The following OCA2 variants were observed in gnomAD, a reference collection of about 807,000 sequenced individuals.
OCA2 encodes the protein OCA2 melanosomal transmembrane protein, also known as P protein.
A neutral mutation model predicts 100.2 loss-of-function variants in OCA2; 77 were observed. That is an observed-to-expected ratio of 0.77 (90% CI 0.64 to 0.93). OCA2 has a LOEUF of 0.93. Ranked by LOEUF, OCA2 falls within the 40% of genes least tolerant of loss-of-function variation. The probability of loss-of-function intolerance (pLI) is 0.00; values close to 1 mark genes in which losing one functional copy is unlikely to be tolerated. For missense variants in OCA2, 1,062 were observed against 1,089.1 expected (o/e 0.98, Z 0.35); for synonymous variants, 432 against 439.2 (o/e 0.98, Z 0.21).
At chr15:27,983,589 G>T in intron 13 of OCA2, 106 bp from the exon 14 acceptor site, 3 of 1,128,088 alleles carry the variant, frequency 2.7e-6, no homozygotes, top group Non-Finnish European at 4.0e-6. Context: ...AGGGAGGCGC[G>T]CACACACACA....
At chr15:27,904,318 C>G (rs533490477) in intron 19 of OCA2, among the ~76,000 whole-genome samples, 2 of 152,288 alleles carry the variant, frequency 1.3e-5, no homozygotes, top group Admixed American at 1.3e-4. Flanking sequence ...GCTGGGAGCG[C>G]TGGGGGACAG....
At chr15:27,840,169 T>TA (rs954620258) in intron 23 of OCA2, among the ~76,000 whole-genome samples, 2 of 151,664 alleles carry the variant, frequency 1.3e-5, no homozygotes, top group African/African-American at 4.8e-5. Context: ...TTGAAAAAAC[T>TA]AAAGAACAGC....
chr15:27,900,815 T>C (rs1335222703), intron 19 of OCA2, among the ~76,000 whole-genome samples: 1 of 152,234 alleles, frequency 6.6e-6, no homozygotes, highest in Non-Finnish European at 1.5e-5. Flanking sequence ...TCCCAGTTCA[T>C]GCACACCTTG....
chr15:27,893,754 T>C (rs958432006), intron 19 of OCA2, among the ~76,000 whole-genome samples: 1 of 152,154 alleles, frequency 6.6e-6, no homozygotes, highest in Non-Finnish European at 1.5e-5. Context: ...AACCCTGTTT[T>C]CTGTTGTTTA....
intron 23 of OCA2, among the ~76,000 whole-genome samples, chr15:27,804,181 T>C (rs866018120): frequency 2.0e-4 from 30 of 152,246 alleles, no homozygotes; most frequent in African/African-American, 6.3e-4. Context: ...GGGTTCATTC[T>C]GAAAAAATCG....
At chr15:28,045,364 A>C (rs568504902) in intron 2 of OCA2, among the ~76,000 whole-genome samples, 1 of 152,374 alleles carries the variant, frequency 6.6e-6, no homozygotes, top group South Asian at 2.1e-4. Context: ...TGTGGTTCAC[A>C]TACAAGAAGA....
intron 21 of OCA2, among the ~76,000 whole-genome samples, chr15:27,868,894 A>C (rs1003468947): frequency 2.6e-5 from 4 of 152,226 alleles, no homozygotes; most frequent in Non-Finnish European, 5.9e-5. Context: ...CTTTTTAAAA[A>C]ATGTGGTGAA....
chr15:27,833,917 G>A (rs2035053841), intron 23 of OCA2, among the ~76,000 whole-genome samples: 1 of 152,088 alleles, frequency 6.6e-6, no homozygotes, highest in Non-Finnish European at 1.5e-5. Flanking sequence ...CACCTCGAGG[G>A]CCCTTTGACT....
chr15:27,951,703 G>C, intron 18 of OCA2, 81 bp downstream of exon 18: 1 of 1,052,020 alleles, frequency 9.5e-7, no homozygotes, highest in Non-Finnish European at 1.5e-6. Context: ...TGTGGGCAAA[G>C]TCAGTGTCTG....
chr15:27,812,515 A>C (rs2034119080), intron 23 of OCA2, among the ~76,000 whole-genome samples: 1 of 152,228 alleles, frequency 6.6e-6, no homozygotes, highest in Admixed American at 6.5e-5. Flanking sequence ...ACTTTTAAAA[A>C]ATATATCTTT....
chr15:27,794,177 G>A (rs913925545), intron 23 of OCA2, among the ~76,000 whole-genome samples: 7 of 152,260 alleles, frequency 4.6e-5, no homozygotes, highest in South Asian at 2.1e-4. Flanking sequence ...CGAAAACTGC[G>A]GACAACTCAG....
intron 2 of OCA2, among the ~76,000 whole-genome samples, chr15:28,066,571 C>T (rs990986288): frequency 3.3e-5 from 5 of 152,162 alleles, no homozygotes; most frequent in Admixed American, 3.3e-4. Context: ...CCTAATATAG[C>T]ATCACATGAC....
intron 21 of OCA2, among the ~76,000 whole-genome samples, chr15:27,866,683 G>C (rs2036337080): frequency 1.3e-5 from 2 of 152,074 alleles, no homozygotes; most frequent in Admixed American, 6.5e-5. Context: ...ACAGTACTGT[G>C]GGACCCAGAG....
intron 2 of OCA2, among the ~76,000 whole-genome samples, chr15:28,079,959 C>A (rs1430342218): frequency 6.6e-6 from 1 of 152,208 alleles, no homozygotes; most frequent in Non-Finnish European, 1.5e-5. Flanking sequence ...CCAGTCTGCC[C>A]CTGGTACACC....
At chr15:27,762,394 A>C (rs1445369688) in intron 23 of OCA2, among the ~76,000 whole-genome samples, 1 of 152,216 alleles carries the variant, frequency 6.6e-6, no homozygotes, top group Non-Finnish European at 1.5e-5. Flanking sequence ...TGCTGACTGC[A>C]GGACCTCAAA....
chr15:27,815,994 C>T (rs1175503252), intron 23 of OCA2, among the ~76,000 whole-genome samples: 3 of 152,084 alleles, frequency 2.0e-5, no homozygotes, highest in Non-Finnish European at 2.9e-5. Context: ...ATTAGCCAGG[C>T]ATGGTGGTGG....
intron 11 of OCA2, among the ~76,000 whole-genome samples, chr15:27,988,104 C>T (rs1005054409): frequency 7.9e-5 from 12 of 152,016 alleles, no homozygotes; most frequent in Non-Finnish European, 1.6e-4. Context: ...GTGTTTTACA[C>T]ATTTGCTGAC....
At chr15:27,896,141 T>C in intron 19 of OCA2, 1 of 989,848 alleles carries the variant, frequency 1.0e-6, no homozygotes, top group Non-Finnish European at 1.6e-6. Context: ...ATGCAGGCCT[T>C]GCCAGAACTA....
intron 23 of OCA2, among the ~76,000 whole-genome samples, chr15:27,763,585 T>C (rs60421743): frequency 2.2e-3 from 333 of 152,322 alleles, no homozygotes; most frequent in African/African-American, 7.6e-3. Context: ...ATGATGCGGC[T>C]GCTGTGAGTG....
Sources: gnomAD v4.1 joint callset for allele counts (sites outside exome capture counted in the v4.1 genomes callset) on GRCh38, gnomAD v4.1.1 for gene constraint, MANE v1.5 for transcripts, NCBI Gene and HGNC (gene_info 2026-07-23, HGNC 2026-07-21) for gene names.